Variants in FER1L5 observed in about 807,000 individuals in gnomAD.
FER1L5 encodes the protein fer-1-like protein 5.
Under a neutral mutation model 279.9 loss-of-function variants are expected in FER1L5, and 187 were observed. The ratio of observed to expected loss-of-function variants is 0.67; its 90% CI spans 0.59 to 0.75. FER1L5 has a LOEUF of 0.75. Ranked by LOEUF, FER1L5 falls within the 30% of genes least tolerant of loss-of-function variation. FER1L5 has a pLI of 0.00. For synonymous variants in FER1L5, 921 were observed against 989.7 expected (o/e 0.93, Z 1.30); for missense variants, 2,091 against 2,594.4 (o/e 0.81, Z 4.21).
intron 19 of FER1L5, among the ~76,000 whole-genome samples, chr2:96,678,195 G>A (rs946927863): frequency 6.6e-6 from 1 of 151,564 alleles, no homozygotes; most frequent in Non-Finnish European, 1.5e-5. Context: ...GGCAATCCCA[G>A]CTCACTGCAA....
intron 20 of FER1L5, 34 bp downstream of exon 20, chr2:96,684,485 C>G (rs748820609): frequency 1.3e-6 from 2 of 1,543,872 alleles, no homozygotes; most frequent in South Asian, 2.4e-5. Flanking sequence ...TGGGAAGACA[C>G]CTGTTTCAGA....
chr2:96,679,590 GT>G (rs1376205334), intron 19 of FER1L5, among the ~76,000 whole-genome samples: 1 of 152,202 alleles, frequency 6.6e-6, no homozygotes, highest in Admixed American at 6.5e-5. Flanking sequence ...TAATTTGCAT[GT>G]GAATATCCAG....
chr2:96,659,408 T>TC (rs1460200004), intron 9 of FER1L5, among the ~76,000 whole-genome samples: 81 of 5,470 alleles, frequency 0.015, 3 homozygotes, highest in African/African-American at 0.071. Context: ...TTTCTTTCTT[T>TC]CTTTCTTTCT....
chr2:96,697,946 G>A, intron 39 of FER1L5, 91 bp from the exon 40 acceptor site: 1 of 1,501,942 alleles, frequency 6.7e-7, no homozygotes, highest in East Asian at 2.5e-5. Context: ...ACTGCCAGAT[G>A]CTTTGGAGTG....
chr2:96,701,808 C>G (rs1303902777), intron 45 of FER1L5, 147 bp from the exon 46 acceptor site: 3 of 679,340 alleles, frequency 4.4e-6, no homozygotes, highest in Non-Finnish European at 7.6e-6. Flanking sequence ...TGGTCACCTG[C>G]GGCCTCACAG....
intron 14 of FER1L5, among the ~76,000 whole-genome samples, chr2:96,664,013 C>G (rs1487339464): frequency 6.6e-6 from 1 of 152,076 alleles, no homozygotes; most frequent in Non-Finnish European, 1.5e-5. Context: ...GTATCACCTA[C>G]TTATTTGAGC....
chr2:96,653,196 G>A (rs1016862985), intron 7 of FER1L5: 34 of 194,290 alleles, frequency 1.7e-4, no homozygotes, highest in South Asian at 1.8e-4. Flanking sequence ...GTGACAGAGC[G>A]AGACTCCGCC....
chr2:96,699,258 C>T (rs2077500414), intron 42 of FER1L5, 122 bp downstream of exon 42: 2 of 1,006,740 alleles, frequency 2.0e-6, no homozygotes, highest in Non-Finnish European at 3.0e-6. Context: ...ACCACAGCGT[C>T]TTACATGCCC....
intron 42 of FER1L5, 84 bp downstream of exon 42, chr2:96,699,220 G>C: frequency 7.2e-7 from 1 of 1,387,796 alleles, no homozygotes; most frequent in Admixed American, 2.0e-5. Flanking sequence ...ACAGAACTCT[G>C]GCACTCCTGT....
Position 96,654,460 on chromosome 2 carries a change from A to C in FER1L5, c.711A>C (p.Ser237=), listed in dbSNP as rs1285011921. 1 of 398,988 alleles carries C rather than the reference A, an allele frequency of 2.5e-6. No individual in the cohort carries two copies. 24.7% of individuals were successfully genotyped at this position (398,988 alleles called of 1,614,324 possible). Residue 237 remains serine (S), a synonymous_variant, in exon 9 of 53, where the codon TCA becomes TCC. Coordinates refer to ENST00000624922, the MANE Select transcript of FER1L5 (RefSeq NM_001293083.2). ...CTCCCTTGCAGGTGGTGAACTCCTCAGCAATGAGATACAAAGCAGAGATCG... is the reference window on the plus strand; with the variant it reads ...CTCCCTTGCAGGTGGTGAACTCCTCCGCAATGAGATACAAAGCAGAGATCG... ...ETILIQVVNS[S]AMRYKAEIGR...
intron 1 of FER1L5, among the ~76,000 whole-genome samples, chr2:96,644,805 T>C (rs1310545760): frequency 6.6e-6 from 1 of 152,204 alleles, no homozygotes; most frequent in African/African-American, 2.4e-5. Flanking sequence ...TCTGCAGGTT[T>C]CAAGAGGGGC....
intron 19 of FER1L5, among the ~76,000 whole-genome samples, chr2:96,679,361 T>C (rs1399655322): frequency 6.6e-6 from 1 of 152,062 alleles, no homozygotes; most frequent in Admixed American, 6.6e-5. Context: ...GTAGCTGAGA[T>C]TACAGGCGCG....
At chr2:96,700,197 C>A (rs2077540117) in intron 44 of FER1L5, 117 bp downstream of exon 44, 2 of 1,550,152 alleles carry the variant, frequency 1.3e-6, no homozygotes, top group Non-Finnish European at 1.7e-6. Context: ...GAAAGAGCTC[C>A]CTGGAGCCAA....
At chr2:96,681,707 T>C (rs1215873446) in intron 19 of FER1L5, among the ~76,000 whole-genome samples, 1 of 152,140 alleles carries the variant, frequency 6.6e-6, no homozygotes. Context: ...CTGCTGTGTA[T>C]TATTCTATTG....
chr2:96,671,642 G>C (rs1383570267), intron 18 of FER1L5, among the ~76,000 whole-genome samples: 2 of 152,202 alleles, frequency 1.3e-5, no homozygotes, highest in Non-Finnish European at 2.9e-5. Flanking sequence ...TTGAACCTGT[G>C]GTAGTGGAAG....
intron 1 of FER1L5, among the ~76,000 whole-genome samples, chr2:96,645,408 G>A (rs1295144828): frequency 6.6e-6 from 1 of 152,090 alleles, no homozygotes; most frequent in Non-Finnish European, 1.5e-5. Flanking sequence ...ACCAGACCTG[G>A]CAGTGGCAAA....
chr2:96,689,064 C>A lies in FER1L5; in HGVS notation c.2362-149C>A. 1.1e-6 allele frequency: 1 copy of A among 922,134 alleles called. No homozygotes were observed. The highest frequency in any genetic ancestry group is 1.6e-6 in the Non-Finnish European group (1 of 623,706). The allele number at this position is 922,134 out of a possible 1,614,324, so 57.1% of individuals were successfully genotyped here. ...GACCTCTGGGCCTCAGTGCCCTCAC[C>A]TGTGCAATGGGGACATGGCCCTTTC... On this transcript the variant is annotated intron_variant, in intron 24 of 52. Coordinates refer to ENST00000624922, the MANE Select transcript of FER1L5 (RefSeq NM_001293083.2). The surrounding 1 kb of genome is among the most constrained non-coding windows in gnomAD (Gnocchi z 4.6).
Position 96,668,867 on chromosome 2 carries a change from G to A in FER1L5, c.1185-19G>A, listed in dbSNP as rs1434171991. 2 of 1,551,624 alleles carry A rather than the reference G, an allele frequency of 1.3e-6. No homozygotes were observed. The highest frequency in any genetic ancestry group is 1.2e-5 in the South Asian group (1 of 84,056). On this transcript the variant is annotated intron_variant, in intron 15 of 52. Coordinates refer to ENST00000624922, the MANE Select transcript of FER1L5 (RefSeq NM_001293083.2). Reference sequence around the variant, plus strand: ...GAGCTGGGCCGGGGGCTCAGCCTGAGGAGTGTGTTTCTCTCTAGCCGCAAG... The same window carrying A: ...GAGCTGGGCCGGGGGCTCAGCCTGAAGAGTGTGTTTCTCTCTAGCCGCAAG...
In FER1L5 at chr2:96,686,050, C is replaced by G. The variant is rs776995796; in HGVS notation, c.2006C>G (p.Ala669Gly). The G allele has an allele frequency of 1.9e-6, 3 of 1,551,544 alleles. No homozygotes were observed. The highest frequency in any genetic ancestry group is 2.6e-6 in the Non-Finnish European group (3 of 1,146,984). ...GAACTGGCCCAAAAGGCCAAGCAAG[C>G]CAAGCCCAAGGACATGGTGGCCACA... is the stretch of plus-strand genomic sequence containing the variant. ...LQELAQKAKQ[A>G]KPKDMVATAE... Residue 669 changes from alanine (A) to glycine (G), a missense_variant, in exon 22 of 53, where the codon GCC becomes GGC. Ala to Gly is a moderately conservative substitution (Grantham distance 60). Transcript: ENST00000624922.
Sources: allele counts gnomAD v4.1 joint callset (sites outside exome capture counted in the v4.1 genomes callset), GRCh38; gene constraint gnomAD v4.1.1; non-coding constraint Gnocchi (gnomAD v3.1); transcripts MANE v1.5; gene names NCBI Gene and HGNC (gene_info 2026-07-23, HGNC 2026-07-21).